Variants in SRRT observed in about 807,000 individuals in gnomAD.
SRRT encodes the protein serrate RNA effector molecule homolog.
A neutral mutation model predicts 103.2 loss-of-function variants in SRRT; 32 were observed. The observed-to-expected ratio is 0.31, with a 90% CI of 0.23 to 0.42. The LOEUF (loss-of-function observed/expected upper bound fraction) is 0.42, where lower values mean the gene tolerates loss of function less well. Among genes scored for constraint, SRRT ranks in the 10% least tolerant of loss-of-function variants. The pLI, the probability that SRRT is intolerant of heterozygous loss-of-function variation, is 1.00. For missense variants in SRRT, 986 were observed against 1,207.5 expected, an observed-to-expected ratio of 0.82 and a Z score of 2.72; for synonymous variants, 525 against 449.0, an observed-to-expected ratio of 1.17 and a Z score of -2.14.
intron 6 of SRRT, 34 bp downstream of exon 6, chr7:100,884,273 G>C (rs1347513636): frequency 6.2e-7 from 1 of 1,613,626 alleles, no homozygotes; most frequent in African/African-American, 1.3e-5. Flanking sequence ...AGGCATCTGG[G>C]CCCCATGGGG....
At chr7:100,877,441 A>G (rs1309067861) in intron 2 of SRRT, among the ~76,000 whole-genome samples, 1 of 139,024 alleles carries the variant, frequency 7.2e-6, no homozygotes, top group Admixed American at 7.6e-5. Context: ...AAAAAAAAAA[A>G]GCCACTTCCA....
In SRRT at chr7:100,886,440, G is replaced by T; in HGVS notation, c.1647+5G>T. ...GGGACGCCTCCCCTGCCCACGGTCA[G>T]TGACTCCCCAAAGGACTTTGTCAGA... On this transcript the variant is annotated splice_donor_5th_base_variant and intron_variant, in intron 13 of 19. Transcript: ENST00000611405. 6.2e-7 allele frequency: 1 copy of T among 1,608,534 alleles called. No individual in the cohort carries two copies. Among genetic ancestry groups the T allele is most frequent in the Non-Finnish European group, 8.5e-7 (1 of 1,178,074 alleles).
chr7:100,875,294 C>T lies in SRRT; in HGVS notation c.-53C>T. 1.0e-6 allele frequency: 1 copy of T among 973,536 alleles called. No homozygotes were observed. Among genetic ancestry groups the T allele is most frequent in the South Asian group, 2.1e-5 (1 of 48,024 alleles). The allele number at this position is 973,536 out of a possible 1,614,324, so 60.3% of individuals were successfully genotyped here. On this transcript the variant is annotated 5_prime_UTR_variant, in exon 1 of 20. Transcript: ENST00000611405. ...CAGGTCGCCCTGAAATCTAGCCCGT[C>T]CGAGCGCGAGTCCAACGGCCGCGGC...
chr7:100,884,110 C>T lies in SRRT; in HGVS notation c.628C>T (p.Arg210Trp), dbSNP rs576747789. ...CCACCCAGATGAGGTGGGGAAGCGT[C>T]GGCAGGAGGCCCGGGGGGCCCTGCA... ...KYHPDEVGKR[R>W]QEARGALQNR... Residue 210 changes from arginine to tryptophan, a missense_variant, in exon 6 of 20, where the codon CGG becomes TGG. Around this residue, in one of 6 missense-constraint regions of SRRT, gnomAD observed 274 missense variants for 358.5 expected, o/e 0.76. Transcript: ENST00000611405. The T allele has an allele frequency of 2.9e-5, 46 of 1,609,288 alleles. No homozygotes were observed. Among genetic ancestry groups the T allele is most frequent in the Admixed American group, 6.9e-5 (4 of 57,872 alleles).
At position 100,887,266 on chromosome 7, in the gene SRRT, A is replaced by G; in HGVS notation, c.1976-54A>G. 1 of 1,610,448 alleles carries G rather than the reference A, an allele frequency of 6.2e-7. No individual in the cohort carries two copies. The highest frequency in any genetic ancestry group is 1.7e-5 in the Admixed American group (1 of 59,884). ...CTTGGTCCTCCAGCCCCTTGCCACC[A>G]TCCTTCCTTCTGGCTCCCTTGCCAA... On this transcript the variant is annotated intron_variant, in intron 15 of 19. Transcript: ENST00000611405. The surrounding 1 kb of genome is among the most constrained non-coding windows in gnomAD (Gnocchi z 4.1).
chr7:100,875,788 C>G (rs1042316590), intron 2 of SRRT, 76 bp downstream of exon 2: 1 of 1,580,856 alleles, frequency 6.3e-7, no homozygotes, highest in Non-Finnish European at 8.7e-7. Context: ...CTTTCTCCCC[C>G]TTGTAATTTT....
At chr7:100,875,770 TC>T in intron 2 of SRRT, 58 bp downstream of exon 2, 1 of 1,601,106 alleles carries the variant, frequency 6.2e-7, no homozygotes, top group Non-Finnish European at 8.5e-7. Flanking sequence ...TCCACCCGCG[TC>T]GCTTTTCTTT....
Position 100,885,805 on chromosome 7 carries a change from T to C in SRRT, c.1379+43T>C, listed in dbSNP as rs1790036005. 5.0e-6 allele frequency: 8 copies of C among 1,613,714 alleles called. No homozygotes were observed. The highest frequency in any genetic ancestry group is 6.8e-6 in the Non-Finnish European group (8 of 1,179,766). On this transcript the variant is annotated intron_variant, in intron 11 of 19. Transcript: ENST00000611405. This position sits in a 1 kb window ranked among gnomAD's most constrained non-coding sequence, Gnocchi z 4.8. ...TTGGAGGGAAAAGTGCAGGGGAACG[T>C]TAATGGCCAACACCAACTCCCTCGC...
At position 100,886,908 on chromosome 7, in the gene SRRT, G is replaced by A. The variant is rs572548566; in HGVS notation, c.1761G>A (p.Glu587=). ...GCAGCGGGGGCGCTCCTCCTGAGGA[G>A]CCTCCTAAGGAAGGGAACCCGGCAG... The part of the protein sequence containing the change: ...LGSSGGAPPE[E]PPKEGNPAEI... The change falls in exon 14 of 20, where the codon GAG becomes GAA. Residue 587 remains glutamate (E), a synonymous_variant. Coordinates refer to ENST00000611405, the MANE Select transcript of SRRT (RefSeq NM_015908.6). 1.9e-6 allele frequency: 3 copies of A among 1,613,654 alleles called. No homozygotes were observed. The Admixed American group carries it at 5.0e-5, about 27-fold the overall frequency.
Position 100,882,359 on chromosome 7 carries a change from G to A in SRRT, c.587+118G>A. 1 of 1,196,758 alleles carries A rather than the reference G, an allele frequency of 8.4e-7. No individual in the cohort carries two copies. The highest frequency in any genetic ancestry group is 2.6e-5 in the Admixed American group (1 of 37,928). The allele number at this position is 1,196,758 out of a possible 1,614,324, so 74.1% of individuals were successfully genotyped here. ...TGTCCAGAACTTTCTGGGGGCGGGG[G>A]TCGGGAAGTATGACAGCATTGGCTG... On this transcript the variant is annotated intron_variant, in intron 5 of 19. Coordinates refer to ENST00000611405, the MANE Select transcript of SRRT (RefSeq NM_015908.6). The surrounding 1 kb of genome is among the most constrained non-coding windows in gnomAD (Gnocchi z 4.2).
Position 100,884,057 on chromosome 7 carries a change from G to T in SRRT, c.588-13G>T, listed in dbSNP as rs765431403. ...TAACTGTTTTGTCTTTCCCTCCCCC[G>T]CTTCGTTCCCAGGTTTCGGTCTAAG... is the stretch of plus-strand genomic sequence containing the variant. On this transcript the variant is annotated splice_polypyrimidine_tract_variant and intron_variant, in intron 5 of 19. Coordinates refer to ENST00000611405, the MANE Select transcript of SRRT (RefSeq NM_015908.6). 4 of 1,565,918 alleles carry T rather than the reference G, an allele frequency of 2.6e-6. No individual in the cohort carries two copies. The highest frequency in any genetic ancestry group is 3.4e-6 in the Non-Finnish European group (4 of 1,160,686).
intron 2 of SRRT, 78 bp from the exon 3 acceptor site, chr7:100,881,207 G>A (rs1169183104): frequency 2.6e-6 from 4 of 1,510,752 alleles, no homozygotes; most frequent in Middle Eastern, 1.7e-4. Flanking sequence ...TCTCTGCCTC[G>A]GCCTCAAAAG....
At chr7:100,884,285 T>TG (rs1357626338) in intron 6 of SRRT, 46 bp downstream of exon 6, 1 of 1,611,474 alleles carries the variant, frequency 6.2e-7, no homozygotes, top group Non-Finnish European at 8.5e-7. Context: ...CCCATGGGGG[T>TG]GGGGGTGTCT....
chr7:100,886,206 G>C (rs759783407), intron 12 of SRRT, 41 bp from the exon 13 acceptor site: 8 of 1,587,002 alleles, frequency 5.0e-6, no homozygotes, highest in African/African-American at 1.3e-5. Context: ...TCTGGCAAGC[G>C]GGGTAAGTGG....
intron 2 of SRRT, among the ~76,000 whole-genome samples, chr7:100,879,789 G>T (rs1222121851): frequency 6.7e-6 from 1 of 148,874 alleles, no homozygotes; most frequent in Non-Finnish European, 1.5e-5. Flanking sequence ...TCCAGCCTGA[G>T]CGACAGAGTG....
At chr7:100,886,765 T>C (rs1790158113) in intron 13 of SRRT, 30 bp from the exon 14 acceptor site, 1 of 1,612,988 alleles carries the variant, frequency 6.2e-7, no homozygotes, top group Non-Finnish European at 8.5e-7. Flanking sequence ...AGGTCTTCTC[T>C]GCCTTACTTG....
In SRRT at chr7:100,881,771, A is replaced by T; in HGVS notation, c.364A>T (p.Ile122Phe). 6.2e-7 allele frequency: 1 copy of T among 1,613,278 alleles called. No individual in the cohort carries two copies. The highest frequency in any genetic ancestry group is 1.6e-4 in the Middle Eastern group (1 of 6,062). The change falls in exon 4 of 20, where the codon ATC (isoleucine) becomes TTC (phenylalanine). Residue 122 changes from isoleucine (I) to phenylalanine (F), a missense_variant. Ile to Phe is a conservative substitution (Grantham distance 21). This residue lies in a region of SRRT where 274 missense variants were observed against 358.5 expected (regional missense o/e 0.76). Coordinates refer to ENST00000611405, the MANE Select transcript of SRRT (RefSeq NM_015908.6). The part of the protein sequence containing the change: ...PQPWGHPDVH[I>F]MQHHVLPIQA... ...GCCCTGGGGCCACCCTGACGTCCAC[A>T]TCATGCAGCACCATGTCCTGCCTAT... is the stretch of plus-strand genomic sequence containing the variant.
intron 2 of SRRT, chr7:100,876,021 C>A (rs1815660003): frequency 3.2e-6 from 1 of 316,250 alleles, no homozygotes; most frequent in Admixed American, 4.1e-5. Flanking sequence ...TCTTGTTCTG[C>A]TGCCCTGGCT....
Position 100,885,563 on chromosome 7 carries a change from T to A in SRRT, c.1318-138T>A. 1 of 1,106,726 alleles carries A rather than the reference T, an allele frequency of 9.0e-7. No individual in the cohort carries two copies. The highest frequency in any genetic ancestry group is 1.4e-5 in the South Asian group (1 of 69,492). 68.6% of individuals were successfully genotyped at this position (1,106,726 alleles called of 1,614,324 possible). A position where few individuals can be genotyped will look rare whatever the true frequency, so the allele number is the denominator to read the frequency against. On this transcript the variant is annotated intron_variant, in intron 10 of 19. Coordinates refer to ENST00000611405, the MANE Select transcript of SRRT (RefSeq NM_015908.6). This position sits in a 1 kb window ranked among gnomAD's most constrained non-coding sequence, Gnocchi z 4.8. Reference sequence around the variant, plus strand: ...TCAGGTGCTGGTGTTCTGAAGCCCTTTAGTGGTTTTTCCCTGCCCAAGGAT... The same window carrying A: ...TCAGGTGCTGGTGTTCTGAAGCCCTATAGTGGTTTTTCCCTGCCCAAGGAT...
Sources: allele counts gnomAD v4.1 joint callset (sites outside exome capture counted in the v4.1 genomes callset), GRCh38; gene constraint gnomAD v4.1.1; regional missense constraint gnomAD v4.1.1; non-coding constraint Gnocchi (gnomAD v3.1); transcripts MANE v1.5; gene names NCBI Gene and HGNC (gene_info 2026-07-23, HGNC 2026-07-21).